Variants in KIF1B observed in about 807,000 individuals in gnomAD.
KIF1B encodes kinesin family member 1B.
In KIF1B, 76 loss-of-function variants were observed where a neutral mutation model predicts 241.9. That is an observed-to-expected ratio of 0.31 (90% CI 0.26 to 0.38). KIF1B has a LOEUF of 0.38. Ranked by LOEUF, KIF1B falls within the 10% of genes least tolerant of loss-of-function variation. The pLI, the probability that KIF1B is intolerant of heterozygous loss-of-function variation, is 1.00. For missense variants in KIF1B, 1,622 were observed against 2,271.4 expected, an observed-to-expected ratio of 0.71 and a Z score of 5.81; for synonymous variants, 750 against 796.7, an observed-to-expected ratio of 0.94 and a Z score of 0.99.
chr1:10,259,792 G>A (rs904120418), intron 4 of KIF1B, among the ~76,000 whole-genome samples: 3 of 151,766 alleles, frequency 2.0e-5, no homozygotes, highest in Admixed American at 1.3e-4. Flanking sequence ...GAGTCACCAT[G>A]CCCGGCCTTT....
In KIF1B at chr1:10,381,012, A is replaced by C. The variant is rs2102371737; in HGVS notation, c.*4425A>C. On this transcript the variant is annotated 3_prime_UTR_variant, in exon 49 of 49. Transcript: ENST00000676179. ...AAGGAAGAAATCAGAGTTGCTATAA[A>C]ATTCAGTAAAAAGCTCATAGCCAAA... 4.5e-6 allele frequency: 1 copy of C among 223,534 alleles called. No individual in the cohort carries two copies. Among genetic ancestry groups the C allele is most frequent in the East Asian group, 6.6e-5 (1 of 15,222 alleles). The allele number at this position is 223,534 out of a possible 1,614,324, so 13.8% of individuals were successfully genotyped here.
At chr1:10,252,387 T>TTGTTGC (rs1647505046) in intron 2 of KIF1B, among the ~76,000 whole-genome samples, 2 of 67,624 alleles carry the variant, frequency 3.0e-5, no homozygotes, top group African/African-American at 1.1e-4. Context: ...TGTGGGGTTT[T>TTGTTGC]TGTTGTTGTT....
chr1:10,339,009 A>G (rs1436137365), intron 31 of KIF1B, among the ~76,000 whole-genome samples: 1 of 151,868 alleles, frequency 6.6e-6, no homozygotes, highest in Non-Finnish European at 1.5e-5. Flanking sequence ...CTTCTGATGG[A>G]TTTTTCTATC....
intron 1 of KIF1B, among the ~76,000 whole-genome samples, chr1:10,212,408 G>T (rs772940156): frequency 8.5e-5 from 13 of 152,178 alleles, no homozygotes; most frequent in Non-Finnish European, 1.6e-4. Context: ...TTGTAAAGCA[G>T]GTCTGGAGAT....
chr1:10,216,972 T>C (rs1323273579), intron 1 of KIF1B, among the ~76,000 whole-genome samples: 13 of 109,998 alleles, frequency 1.2e-4, no homozygotes, highest in African/African-American at 3.1e-4. Context: ...TTTTTTTTTT[T>C]TTTTTTTTTT....
intron 38 of KIF1B, among the ~76,000 whole-genome samples, chr1:10,354,429 C>CA (rs1652905457): frequency 6.6e-6 from 1 of 152,118 alleles, no homozygotes; most frequent in East Asian, 1.9e-4. Flanking sequence ...AATCTAAGTT[C>CA]AAAATCCTTT....
intron 1 of KIF1B, among the ~76,000 whole-genome samples, chr1:10,216,300 C>T (rs1481775863): frequency 6.6e-6 from 1 of 152,146 alleles, no homozygotes; most frequent in East Asian, 1.9e-4. Context: ...TCAAATTCAC[C>T]TTCAAGTCTT....
At chr1:10,349,120 G>A (rs1292234892) in intron 37 of KIF1B, among the ~76,000 whole-genome samples, 1 of 152,144 alleles carries the variant, frequency 6.6e-6, no homozygotes, top group Non-Finnish European at 1.5e-5. Flanking sequence ...TGGTTCTGTG[G>A]TAGAGTCTGT....
intron 16 of KIF1B, among the ~76,000 whole-genome samples, chr1:10,291,506 C>T (rs561221306): frequency 1.1e-4 from 16 of 152,104 alleles, no homozygotes; most frequent in African/African-American, 1.4e-4. Context: ...GTCGGGAGAT[C>T]GAGACCATCC....
chr1:10,365,456 C>T lies in KIF1B; in HGVS notation c.4560C>T (p.Asp1520=). ...TGCTGCTGCGTGAGAGACTTGGTGA[C>T]AGCATCCCCAAATCCCTGAGCGACT... is the stretch of plus-strand genomic sequence containing the variant. ...HFLLLRERLG[D]SIPKSLSDSL... Residue 1520 remains aspartate (D), a synonymous_variant, in exon 43 of 49, where the codon GAC becomes GAT. Transcript: ENST00000676179. The surrounding 1 kb of genome is among the most constrained non-coding windows in gnomAD (Gnocchi z 4.0). 1 of 1,614,168 alleles carries T rather than the reference C, an allele frequency of 6.2e-7. No homozygotes were observed. The highest frequency in any genetic ancestry group is 8.5e-7 in the Non-Finnish European group (1 of 1,180,038).
chr1:10,307,489 T>G, intron 22 of KIF1B: 1 of 393,166 alleles, frequency 2.5e-6, no homozygotes, highest in Non-Finnish European at 3.5e-6. Context: ...TTTGTATTTT[T>G]AGTAGAGACA....
At position 10,321,715 on chromosome 1, in the gene KIF1B, G is replaced by A; in HGVS notation, c.2216G>A (p.Trp739Ter). The A allele has an allele frequency of 6.2e-7, 1 of 1,613,984 alleles. No homozygotes were observed. Among genetic ancestry groups the A allele is most frequent in the Non-Finnish European group, 8.5e-7 (1 of 1,179,894 alleles). ...EEEEEEEEVP[W>*]TQHEFELAQW... The stretch of plus-strand genomic sequence containing the variant: ...GCATCATTCATTCTTTCAGTTCCTT[G>A]GACACAGCATGAATTTGAGTTGGCC... Residue 739 changes from tryptophan to a stop codon, truncating the protein, a stop_gained, in exon 24 of 49, where the codon TGG becomes TAG. Transcript: ENST00000676179. LOFTEE classifies it high-confidence loss of function.
intron 2 of KIF1B, among the ~76,000 whole-genome samples, chr1:10,239,501 G>T (rs1557657574): frequency 1.3e-5 from 2 of 151,484 alleles, no homozygotes; most frequent in African/African-American, 2.4e-5. Flanking sequence ...AGTTTTGTTG[G>T]TTTTTTTAAA....
In KIF1B at chr1:10,304,601, A is replaced by C. The variant is rs753019958; in HGVS notation, c.2115+7355A>C. Reference sequence around the variant, plus strand: ...GTGACACCTCCGCGGATGAGGAGACAGTTCTCAGCACCCAATCTCAAAGCT... The same window carrying C: ...GTGACACCTCCGCGGATGAGGAGACCGTTCTCAGCACCCAATCTCAAAGCT... On this transcript the variant is annotated intron_variant, in intron 22 of 48. Coordinates refer to ENST00000676179, the MANE Select transcript of KIF1B (RefSeq NM_001365951.3). 4 of 1,614,110 alleles carry C rather than the reference A, an allele frequency of 2.5e-6. No individual in the cohort carries two copies. In the South Asian group the frequency reaches 3.3e-5, roughly 13 times the overall value.
intron 15 of KIF1B, 36 bp downstream of exon 15, chr1:10,282,569 A>G (rs767546491): frequency 1.1e-5 from 17 of 1,529,684 alleles, no homozygotes; most frequent in Admixed American, 5.0e-5. Context: ...AAGGTATTCT[A>G]TGTAGCTCCA....
chr1:10,304,010 G>T, intron 22 of KIF1B: 1 of 1,611,444 alleles, frequency 6.2e-7, no homozygotes, highest in Non-Finnish European at 8.5e-7. Flanking sequence ...AAGCAGCTTC[G>T]TCGGCAGAAT....
At position 10,215,170 on chromosome 1, in the gene KIF1B, A is replaced by ATT. The variant is rs1437007597; in HGVS notation, c.-80+4293_-80+4294insTT. ...TATATATATATATATATATATATAT[A>ATT]TATTTTTTTTTTTTTTTTTTTTTGA... is the stretch of plus-strand genomic sequence containing the variant. On this transcript the variant is annotated intron_variant, in intron 1 of 48. Transcript: ENST00000676179. Among the ~76,000 whole-genome samples, 186 of 50,246 alleles carry ATT rather than the reference A, an allele frequency of 3.7e-3. 1 individual carries two copies. Among genetic ancestry groups the ATT allele is most frequent in the East Asian group, 6.5e-3 (10 of 1,536 alleles). The allele number at this position is 50,246 out of a possible 152,430, so 33.0% of individuals were successfully genotyped here. A position where few individuals can be genotyped will look rare whatever the true frequency, so the allele number is the denominator to read the frequency against.
intron 44 of KIF1B, 49 bp from the exon 45 acceptor site, chr1:10,371,092 G>C (rs752507323): frequency 6.2e-7 from 1 of 1,613,058 alleles, no homozygotes; most frequent in Admixed American, 1.7e-5. Context: ...TACTGTAGAG[G>C]CAGCTTTTTT....
intron 17 of KIF1B, among the ~76,000 whole-genome samples, chr1:10,293,535 C>T (rs1326772862): frequency 6.6e-6 from 1 of 151,800 alleles, no homozygotes; most frequent in Non-Finnish European, 1.5e-5. Flanking sequence ...AGCTGGACTG[C>T]AGGCACATGC....
Sources: allele counts gnomAD v4.1 joint callset (sites outside exome capture counted in the v4.1 genomes callset), GRCh38; gene constraint gnomAD v4.1.1; non-coding constraint Gnocchi (gnomAD v3.1); transcripts MANE v1.5; gene names NCBI Gene and HGNC (gene_info 2026-07-23, HGNC 2026-07-21).